The following RGS12 variants were observed in gnomAD, a reference collection of about 807,000 sequenced individuals.
RGS12 encodes regulator of G protein signaling 12.
RGS12 carries 66 observed loss-of-function variants against 120.1 expected under a neutral mutation model. The ratio of observed to expected loss-of-function variants is 0.55; its 90% confidence interval spans 0.45 to 0.67. RGS12 has a LOEUF of 0.67. Ranked by LOEUF, RGS12 falls within the 30% of genes least tolerant of loss-of-function variation. The pLI is 0.00. For missense variants in RGS12, 1,859 were observed against 1,957.7 expected, an observed-to-expected ratio of 0.95 and a Z score of 0.95; for synonymous variants, 827 against 804.7, an observed-to-expected ratio of 1.03 and a Z score of -0.47.
chr4:3,343,001 C>T lies in RGS12; in HGVS notation c.1946C>T (p.Ser649Leu), dbSNP rs747626425. ...TCTCAACGCACGTCTGCTCGGAGAT[C>T]ATTTGGGAGATCCAAGAGATTCAGT... is the stretch of plus-strand genomic sequence containing the variant. Reference protein sequence around the residue: ...QPSQRTSARRSFGRSKRFSIT... With the variant: ...QPSQRTSARRLFGRSKRFSIT... The change falls in exon 3 of 18, where the codon TCA becomes TTA. Residue 649 changes from serine (S) to leucine (L), a missense_variant. Coordinates refer to ENST00000336727, the MANE Select transcript of RGS12 (RefSeq NM_001394154.1). The T allele has an allele frequency of 3.1e-6, 5 of 1,613,740 alleles. No individual in the cohort carries two copies. The South Asian group carries it at 5.5e-5, about 18-fold the overall frequency.
chr4:3,313,707 T>A (rs1724558538), intron 1 of RGS12, among the ~76,000 whole-genome samples: 1 of 152,232 alleles, frequency 6.6e-6, no homozygotes, highest in South Asian at 2.1e-4. Flanking sequence ...CCTGCCCGTC[T>A]GCCTGGGCTC....
chr4:3,305,258 G>A (rs1260852741), intron 1 of RGS12, among the ~76,000 whole-genome samples: 52 of 152,152 alleles, frequency 3.4e-4, no homozygotes, highest in Non-Finnish European at 1.6e-4. Flanking sequence ...TGTTAGAAGC[G>A]AGTCGCTAGG....
At chr4:3,310,270 GGAACC>G in intron 1 of RGS12, among the ~76,000 whole-genome samples, 1 of 137,556 alleles carries the variant, frequency 7.3e-6, no homozygotes, top group African/African-American at 2.8e-5. Context: ...TCCTCTGAGG[GGAACC>G]GTGTCGGGGA....
chr4:3,414,986 TGCGTGTGAGGG>T (rs1355159495), intron 6 of RGS12, 142 bp downstream of exon 6: 148 of 481,938 alleles, frequency 3.1e-4, no homozygotes, highest in South Asian at 5.5e-4. Context: ...TGTGAGAGGT[TGCGTGTGAGGG>T]GCGTGTGAGG....
chr4:3,401,271 G>A (rs1173075437), intron 4 of RGS12, among the ~76,000 whole-genome samples: 1 of 151,956 alleles, frequency 6.6e-6, no homozygotes, highest in East Asian at 1.9e-4. Context: ...AGCCCAATAG[G>A]GATTTTAGAT....
chr4:3,395,891 T>C (rs1720002843), intron 4 of RGS12, among the ~76,000 whole-genome samples: 1 of 152,212 alleles, frequency 6.6e-6, no homozygotes, highest in Non-Finnish European at 1.5e-5. Flanking sequence ...CCCTTGAGGA[T>C]ACCAAAATCT....
intron 2 of RGS12, among the ~76,000 whole-genome samples, chr4:3,338,394 T>G (rs1300685787): frequency 6.6e-6 from 1 of 152,224 alleles, no homozygotes; most frequent in Non-Finnish European, 1.5e-5. Flanking sequence ...CCAAGAAATT[T>G]GGTACCTGAG....
chr4:3,401,260 A>G (rs1720550268), intron 4 of RGS12, among the ~76,000 whole-genome samples: 1 of 152,230 alleles, frequency 6.6e-6, no homozygotes, highest in South Asian at 2.1e-4. Context: ...TTTAGGTGAT[A>G]AGCCCAATAG....
chr4:3,419,914 C>T (rs1722821630), intron 9 of RGS12, among the ~76,000 whole-genome samples: 2 of 152,142 alleles, frequency 1.3e-5, no homozygotes, highest in African/African-American at 4.8e-5. Flanking sequence ...GTGGCCTGGG[C>T]ATCTGTTCCT....
At chr4:3,287,660 C>G in the RGS12 span, among the ~76,000 whole-genome samples, 1 of 152,274 alleles carries the variant, frequency 6.6e-6, no homozygotes, top group East Asian at 1.9e-4. Flanking sequence ...TTGCCATGAG[C>G]TCTACTTAGT....
At chr4:3,328,601 A>G (rs1725724868) in intron 2 of RGS12, among the ~76,000 whole-genome samples, 1 of 152,204 alleles carries the variant, frequency 6.6e-6, no homozygotes, top group Admixed American at 6.5e-5. Context: ...AGTCTCAGGT[A>G]TTCAGTTATA....
In RGS12 at chr4:3,433,586, CCT is replaced by C. The variant is rs1352277185; in HGVS notation, c.4114+2632_4114+2633del. Among the ~76,000 whole-genome samples, 18 of 151,930 alleles carry C rather than the reference CCT, an allele frequency of 1.2e-4. No individual in the cohort carries two copies. The highest frequency in any genetic ancestry group is 3.1e-4 in the African/African-American group (13 of 41,416). Reference sequence around the variant, plus strand: ...GCCCCAGCACCACGTGCCATGCCACCCTGTCCTAGCCCCAGTGCCACATGCCA... The same window carrying C: ...GCCCCAGCACCACGTGCCATGCCACCGTCCTAGCCCCAGTGCCACATGCCA... On this transcript the variant is annotated intron_variant, in intron 17 of 17. Transcript: ENST00000336727. This position sits in a 1 kb window ranked among gnomAD's most constrained non-coding sequence, Gnocchi z 4.4.
rs868615955 is a variant in RGS12 at position 3,316,222 on chromosome 4, C to T, written c.52C>T (p.Pro18Ser). ...ACGCCCATTGCCTGGGCCGTCGCCC[C>T]CAAGGGTGCGGAGTGTGGAGGTTGC... ...SKRPLPGPSP[P>S]RVRSVEVARG... Residue 18 changes from proline (P) to serine (S), a missense_variant, in exon 2 of 18, where the codon CCA (proline) becomes TCA (serine). Coordinates refer to ENST00000336727, the MANE Select transcript of RGS12 (RefSeq NM_001394154.1). 6.2e-7 allele frequency: 1 copy of T among 1,607,096 alleles called. No homozygotes were observed. The highest frequency in any genetic ancestry group is 8.5e-7 in the Non-Finnish European group (1 of 1,175,640).
chr4:3,371,551 T>C (rs1716988407), intron 3 of RGS12, among the ~76,000 whole-genome samples: 1 of 152,228 alleles, frequency 6.6e-6, no homozygotes, highest in Non-Finnish European at 1.5e-5. Context: ...TTTGAAGCTC[T>C]TGCAAATGCT....
At chr4:3,420,584 A>T (rs1722902334) in intron 9 of RGS12, 58 bp from the exon 10 acceptor site, 21 of 1,555,302 alleles carry the variant, frequency 1.4e-5, no homozygotes, top group South Asian at 3.3e-5. Flanking sequence ...GGGTTGGGAG[A>T]TGTGACCGAA....
rs1001945260 is a variant in RGS12, at chr4:3,366,386, C to T, written c.1999-20030C>T. ...CTTTGGCTTGGCGACCAGAGGCCTC[C>T]AGGGTTAAGAGCAGGGAGAGAATCA... is the stretch of plus-strand genomic sequence containing the variant. On this transcript the variant is annotated intron_variant, in intron 3 of 17. Coordinates refer to ENST00000336727, the MANE Select transcript of RGS12 (RefSeq NM_001394154.1). This position sits in a 1 kb window ranked among gnomAD's most constrained non-coding sequence, Gnocchi z 4.0. Among the ~76,000 whole-genome samples the T allele has an allele frequency of 6.6e-6, 1 of 152,090 alleles. No individual in the cohort carries two copies. The highest frequency in any genetic ancestry group is 2.4e-5 in the African/African-American group (1 of 41,412).
Position 3,390,148 on chromosome 4 carries a change from G to A in RGS12, c.2020+3711G>A, listed in dbSNP as rs1719331413. Among the ~76,000 whole-genome samples, 1 of 152,146 alleles carries A rather than the reference G, an allele frequency of 6.6e-6. No individual in the cohort carries two copies. Among genetic ancestry groups the A allele is most frequent in the Non-Finnish European group, 1.5e-5 (1 of 68,020 alleles). Reference sequence around the variant, plus strand: ...GCCCCTGTTCCCCCAACCATCCTGCGTCCCACCCTGGTCTCCAATGGTGCC... The same window carrying A: ...GCCCCTGTTCCCCCAACCATCCTGCATCCCACCCTGGTCTCCAATGGTGCC... On this transcript the variant is annotated intron_variant, in intron 4 of 17. Transcript: ENST00000336727. The surrounding 1 kb of genome is among the most constrained non-coding windows in gnomAD (Gnocchi z 4.6).
At chr4:3,376,885 C>G (rs1717755722) in intron 3 of RGS12, among the ~76,000 whole-genome samples, 1 of 152,190 alleles carries the variant, frequency 6.6e-6, no homozygotes, top group Non-Finnish European at 1.5e-5. Context: ...TCCGAGGCCT[C>G]AGTCTCAGCC....
chr4:3,301,346 T>C (rs143859591), intron 1 of RGS12, among the ~76,000 whole-genome samples: 76 of 152,312 alleles, frequency 5.0e-4, no homozygotes, highest in Admixed American at 2.4e-3. Context: ...GATAAGATAC[T>C]AAAAGCAAAA....
Sources: allele counts gnomAD v4.1 joint callset (sites outside exome capture counted in the v4.1 genomes callset), GRCh38; gene constraint gnomAD v4.1.1; non-coding constraint Gnocchi (gnomAD v3.1); transcripts MANE v1.5; gene names NCBI Gene and HGNC (gene_info 2026-07-23, HGNC 2026-07-21).